The following BACH2 variants were observed in gnomAD, a reference collection of about 807,000 sequenced individuals.
BACH2 encodes the protein BACH transcriptional regulator 2, also known as transcription regulator protein BACH2.
In BACH2, 5 loss-of-function variants were observed where a neutral mutation model predicts 61.8. That is an observed-to-expected ratio of 0.08 (90% CI 0.04 to 0.17). The LOEUF is 0.17. BACH2 is among the 10% of genes least tolerant of loss of function. The pLI is 1.00. For synonymous variants in BACH2, 446 were observed against 440.1 expected, an observed-to-expected ratio of 1.01 and a Z score of -0.17; for missense variants, 824 against 1,091.1, an observed-to-expected ratio of 0.76 and a Z score of 3.45.
At position 89,951,689 on chromosome 6, in the gene BACH2, G is replaced by C; in HGVS notation, c.417C>G (p.Gly139=). The C allele has an allele frequency of 6.2e-7, 1 of 1,614,200 alleles. No homozygotes were observed. The highest frequency in any genetic ancestry group is 1.1e-5 in the South Asian group (1 of 91,082). The part of the protein sequence containing the change: ...LQTQLLNSED[G]LFVCRKDAAC... ...CAGCATCCTTCCGGCACACAAACAG[G>C]CCATCCTCACTGTTCAGGAGCTGGG... Residue 139 remains glycine, a synonymous_variant, in exon 7 of 9, where the codon GGC becomes GGG. Coordinates refer to ENST00000257749, the MANE Select transcript of BACH2 (RefSeq NM_021813.4). This position sits in a 1 kb window ranked among gnomAD's most constrained non-coding sequence, Gnocchi z 6.4.
intron 4 of BACH2, among the ~76,000 whole-genome samples, chr6:90,154,218 A>G (rs956280741): frequency 3.9e-5 from 6 of 152,186 alleles, no homozygotes; most frequent in Admixed American, 3.9e-4. Context: ...AAGTGCCAGA[A>G]GTAGAGGAAA....
At chr6:90,123,841 C>A (rs1783740731) in intron 4 of BACH2, among the ~76,000 whole-genome samples, 1 of 147,736 alleles carries the variant, frequency 6.8e-6, no homozygotes, top group African/African-American at 2.5e-5. Context: ...AAATAGAAAT[C>A]TTATGTGAGA....
At chr6:90,291,221 T>C (rs1163341019) in intron 1 of BACH2, among the ~76,000 whole-genome samples, 1 of 152,076 alleles carries the variant, frequency 6.6e-6, no homozygotes, top group Non-Finnish European at 1.5e-5. Context: ...GTAGTTCCAA[T>C]GACTAGAATG....
At chr6:90,040,842 G>C (rs939071209) in intron 5 of BACH2, among the ~76,000 whole-genome samples, 1 of 151,558 alleles carries the variant, frequency 6.6e-6, no homozygotes, top group East Asian at 1.9e-4. Context: ...ATTGTAAATA[G>C]GATATTAACT....
chr6:90,197,416 G>C (rs1433242623), intron 4 of BACH2, among the ~76,000 whole-genome samples: 1 of 152,134 alleles, frequency 6.6e-6, no homozygotes, highest in African/African-American at 2.4e-5. Flanking sequence ...CACAGATTAA[G>C]TACCTAAATA....
At chr6:89,934,647 A>G (rs1027116926) in intron 8 of BACH2, among the ~76,000 whole-genome samples, 1 of 152,050 alleles carries the variant, frequency 6.6e-6, no homozygotes, top group African/African-American at 2.4e-5. Flanking sequence ...CGACAGAGCG[A>G]GACTTTGTCT....
At chr6:89,964,144 C>G (rs1774914058) in intron 6 of BACH2, among the ~76,000 whole-genome samples, 1 of 148,738 alleles carries the variant, frequency 6.7e-6, no homozygotes, top group South Asian at 2.1e-4. Flanking sequence ...CAGCATGGCA[C>G]ATGCATACAT....
At chr6:89,998,672 C>A (rs1434730613) in intron 6 of BACH2, among the ~76,000 whole-genome samples, 1 of 151,842 alleles carries the variant, frequency 6.6e-6, no homozygotes, top group African/African-American at 2.4e-5. Flanking sequence ...CTTTTAAGAA[C>A]AGCCTTCTTT....
At chr6:90,063,688 T>C (rs940585048) in intron 5 of BACH2, among the ~76,000 whole-genome samples, 1 of 152,210 alleles carries the variant, frequency 6.6e-6, no homozygotes, top group African/African-American at 2.4e-5. Context: ...CTTCAATTTT[T>C]TCCTCTGTAA....
chr6:90,201,033 G>A (rs148800651), intron 4 of BACH2, among the ~76,000 whole-genome samples: 62 of 152,016 alleles, frequency 4.1e-4, no homozygotes, highest in African/African-American at 1.4e-3. Flanking sequence ...TGTCTTCTTC[G>A]CAATTTATTT....
At chr6:90,055,144 A>G (rs1780264466) in intron 5 of BACH2, among the ~76,000 whole-genome samples, 1 of 152,240 alleles carries the variant, frequency 6.6e-6, no homozygotes, top group South Asian at 2.1e-4. Context: ...CTGAGTTGAG[A>G]GAAGAAGGCT....
At chr6:90,056,137 T>C (rs1780334699) in intron 5 of BACH2, among the ~76,000 whole-genome samples, 1 of 152,202 alleles carries the variant, frequency 6.6e-6, no homozygotes, top group African/African-American at 2.4e-5. Context: ...ACTTTAAATG[T>C]AAATGGGCTA....
chr6:90,092,329 T>C lies in BACH2; in HGVS notation c.-161-3220A>G, dbSNP rs763631973. On this transcript the variant is annotated intron_variant, in intron 4 of 8. Transcript: ENST00000257749. ...ATATATATATATACACACACACACA[T>C]TGCATCACTTGCACTTGAACAAAGT... is the stretch of plus-strand genomic sequence containing the variant. 3.0e-4 allele frequency among the ~76,000 whole-genome samples: 40 copies of C among 135,578 alleles called. 1 individual carries two copies. Among genetic ancestry groups the C allele is most frequent in the Non-Finnish European group, 4.6e-4 (30 of 65,220 alleles). The allele number at this position is 135,578 out of a possible 152,430, so 88.9% of individuals were successfully genotyped here. A position where few individuals can be genotyped will look rare whatever the true frequency, so the allele number is the denominator to read the frequency against.
chr6:90,062,125 A>G (rs1780717312), intron 5 of BACH2, among the ~76,000 whole-genome samples: 1 of 152,216 alleles, frequency 6.6e-6, no homozygotes, highest in East Asian at 1.9e-4. Context: ...AATACTCTTC[A>G]AAGATTAAGC....
At chr6:90,185,213 GAAC>G (rs1157511673) in intron 4 of BACH2, among the ~76,000 whole-genome samples, 1 of 152,170 alleles carries the variant, frequency 6.6e-6, no homozygotes, top group Non-Finnish European at 1.5e-5. Flanking sequence ...CACTTTAGGT[GAAC>G]AATAGCTCTG....
Position 90,188,593 on chromosome 6 carries a change from T to C in BACH2, c.-162+17976A>G, listed in dbSNP as rs546531850. Among the ~76,000 whole-genome samples, 38 of 152,152 alleles carry C rather than the reference T, an allele frequency of 2.5e-4. No homozygotes were observed. The South Asian group carries it at 7.9e-3, about 32-fold the overall frequency. On this transcript the variant is annotated intron_variant, in intron 4 of 8. Transcript: ENST00000257749. ...AATTGTGTGCCATACTGTGTACTCA[T>C]TCATGACCAAAAGACACTGATCATT...
chr6:90,056,279 C>A (rs1780344365), intron 5 of BACH2, among the ~76,000 whole-genome samples: 2 of 152,122 alleles, frequency 1.3e-5, no homozygotes, highest in African/African-American at 4.8e-5. Flanking sequence ...GGAGGAAGAT[C>A]TACCAAGCAA....
chr6:90,193,100 A>G (rs1161549092), intron 4 of BACH2, among the ~76,000 whole-genome samples: 1 of 152,242 alleles, frequency 6.6e-6, no homozygotes, highest in African/African-American at 2.4e-5. Context: ...ACAAAGGAAT[A>G]TGAGAAAAGA....
chr6:90,144,048 T>C (rs1430052235), intron 4 of BACH2, among the ~76,000 whole-genome samples: 3 of 152,220 alleles, frequency 2.0e-5, no homozygotes, highest in Non-Finnish European at 2.9e-5. Flanking sequence ...AAGCACTTAA[T>C]AAGTATTCGT....
Sources: gnomAD v4.1 joint callset for allele counts (sites outside exome capture counted in the v4.1 genomes callset) on GRCh38, gnomAD v4.1.1 for gene constraint, Gnocchi (gnomAD v3.1) non-coding constraint, MANE v1.5 for transcripts, NCBI Gene and HGNC (gene_info 2026-07-23, HGNC 2026-07-21) for gene names.